SORCS3: variants seen among roughly 807,000 people sequenced by gnomAD.
SORCS3 encodes the protein VPS10 domain-containing receptor SorCS3.
In SORCS3, 57 loss-of-function variants were observed where a neutral mutation model predicts 146.3. The ratio of observed to expected loss-of-function variants is 0.39; its 90% CI spans 0.31 to 0.49. The LOEUF (loss-of-function observed/expected upper bound fraction) is 0.49. Ranked by LOEUF, SORCS3 falls within the 20% of genes least tolerant of loss-of-function variation. The pLI is 0.92. For synonymous variants in SORCS3, 653 were observed against 618.5 expected (o/e 1.06, Z -0.83); for missense variants, 1,341 against 1,575.5 (o/e 0.85, Z 2.52).
intron 5 of SORCS3, 74 bp from the exon 6 acceptor site, chr10:105,089,701 C>T (rs1046740057): frequency 2.6e-5 from 30 of 1,175,270 alleles, no homozygotes; most frequent in Non-Finnish European, 3.3e-5. Flanking sequence ...TAGCAGTTGG[C>T]CCTGAGTGCA....
At chr10:105,241,705 A>G (rs1287250037) in intron 20 of SORCS3, among the ~76,000 whole-genome samples, 2 of 152,136 alleles carry the variant, frequency 1.3e-5, no homozygotes, top group Non-Finnish European at 2.9e-5. Flanking sequence ...AGGGCAGGTC[A>G]TCTCCTCCCT....
chr10:105,013,015 A>C (rs780104215), intron 4 of SORCS3, among the ~76,000 whole-genome samples: 3 of 152,218 alleles, frequency 2.0e-5, no homozygotes, highest in Non-Finnish European at 4.4e-5. Context: ...ATGCGTTATG[A>C]TTGAGGGTGG....
intron 14 of SORCS3, among the ~76,000 whole-genome samples, chr10:105,199,136 A>G (rs2056560136): frequency 6.6e-6 from 1 of 152,182 alleles, no homozygotes; most frequent in South Asian, 2.1e-4. Context: ...TTAAGTTCGC[A>G]GCATGATCGG....
At chr10:104,795,564 T>A (rs978606339) in intron 1 of SORCS3, among the ~76,000 whole-genome samples, 7 of 152,258 alleles carry the variant, frequency 4.6e-5, no homozygotes, top group African/African-American at 1.7e-4. Flanking sequence ...TCAAGCTGTG[T>A]GGAATGTCAG....
At chr10:104,762,877 C>T (rs1420458648) in intron 1 of SORCS3, among the ~76,000 whole-genome samples, 1 of 152,122 alleles carries the variant, frequency 6.6e-6, no homozygotes, top group Non-Finnish European at 1.5e-5. Context: ...CAGGTAGTAT[C>T]TTTATAGCAA....
intron 14 of SORCS3, among the ~76,000 whole-genome samples, chr10:105,181,842 A>C (rs1200354101): frequency 6.6e-6 from 1 of 152,186 alleles, no homozygotes; most frequent in Admixed American, 6.6e-5. Context: ...CTGTTGCAGC[A>C]CTTGGGCCTC....
At chr10:104,691,647 G>C (rs761381388) in intron 1 of SORCS3, among the ~76,000 whole-genome samples, 3 of 152,174 alleles carry the variant, frequency 2.0e-5, no homozygotes, top group Non-Finnish European at 4.4e-5. Flanking sequence ...TGGCTGCCCT[G>C]TCCCTCCCTT....
At chr10:105,022,832 G>GTTAAAACAGGACTTGAGTT (rs1422962321) in intron 4 of SORCS3, among the ~76,000 whole-genome samples, 2 of 152,068 alleles carry the variant, frequency 1.3e-5, no homozygotes, top group African/African-American at 4.8e-5. Context: ...CAGGACTTGA[G>GTTAAAACAGGACTTGAGTT]TTAAAACAGG....
At chr10:105,020,027 A>G (rs1019234378) in intron 4 of SORCS3, among the ~76,000 whole-genome samples, 6 of 152,132 alleles carry the variant, frequency 3.9e-5, no homozygotes, top group African/African-American at 1.4e-4. Flanking sequence ...GCTACTTACA[A>G]TTGAATTTTA....
chr10:105,118,469 T>G (rs2055908472), intron 7 of SORCS3, among the ~76,000 whole-genome samples: 1 of 152,158 alleles, frequency 6.6e-6, no homozygotes, highest in African/African-American at 2.4e-5. Context: ...AGTAAATTGG[T>G]ACTACAGAGA....
At position 105,236,663 on chromosome 10, in the gene SORCS3, T is replaced by G. The variant is rs188354264; in HGVS notation, c.2869-8879T>G. Among the ~76,000 whole-genome samples the G allele has an allele frequency of 2.0e-5, 3 of 152,274 alleles. No individual in the cohort carries two copies. In the East Asian group the frequency reaches 5.8e-4, roughly 29 times the overall value. ...GTTTCTCTACAGCTCTATTTTTTTCTTTGAGTGCTGTTTCTAAGACCTGAA... is the reference window on the plus strand; with the variant it reads ...GTTTCTCTACAGCTCTATTTTTTTCGTTGAGTGCTGTTTCTAAGACCTGAA... On this transcript the variant is annotated intron_variant, in intron 20 of 26. Coordinates refer to ENST00000369701, the MANE Select transcript of SORCS3 (RefSeq NM_014978.3).
intron 5 of SORCS3, among the ~76,000 whole-genome samples, chr10:105,056,236 C>T (rs2055445033): frequency 1.3e-5 from 2 of 152,126 alleles, no homozygotes; most frequent in African/African-American, 4.8e-5. Context: ...GTTTCTCAAC[C>T]TCTATGTTTT....
chr10:104,719,741 G>A (rs1390326415), intron 1 of SORCS3, among the ~76,000 whole-genome samples: 3 of 152,152 alleles, frequency 2.0e-5, no homozygotes, highest in African/African-American at 7.2e-5. Context: ...GAAATCAGCT[G>A]GTTTGTCTCT....
intron 4 of SORCS3, among the ~76,000 whole-genome samples, chr10:104,990,589 C>T (rs2054987628): frequency 6.6e-6 from 1 of 152,068 alleles, no homozygotes; most frequent in South Asian, 2.1e-4. Context: ...CCTCCAACTC[C>T]CCAGGCTGTC....
At chr10:104,861,906 A>T (rs1329124222) in intron 2 of SORCS3, among the ~76,000 whole-genome samples, 3 of 152,096 alleles carry the variant, frequency 2.0e-5, no homozygotes, top group Non-Finnish European at 4.4e-5. Context: ...TCTTTGGTGC[A>T]CCTTGGCTTG....
chr10:104,681,943 C>T (rs1483622286), intron 1 of SORCS3, among the ~76,000 whole-genome samples: 1 of 152,134 alleles, frequency 6.6e-6, no homozygotes, highest in Non-Finnish European at 1.5e-5. Context: ...AGTTTTCCTC[C>T]TGTAAATGTC....
intron 23 of SORCS3, among the ~76,000 whole-genome samples, chr10:105,254,017 G>A (rs1047475069): frequency 1.8e-4 from 27 of 152,210 alleles, no homozygotes; most frequent in Admixed American, 3.9e-4. Flanking sequence ...CGCATACAGC[G>A]AGATAAGAGT....
At chr10:104,954,410 G>T (rs1021830988) in intron 3 of SORCS3, among the ~76,000 whole-genome samples, 1 of 152,160 alleles carries the variant, frequency 6.6e-6, no homozygotes, top group Non-Finnish European at 1.5e-5. Flanking sequence ...AGCCAGGTGG[G>T]TGAGATACTT....
chr10:104,964,967 AT>A (rs1019629318), intron 3 of SORCS3, among the ~76,000 whole-genome samples: 2 of 152,056 alleles, frequency 1.3e-5, no homozygotes, highest in Non-Finnish European at 2.9e-5. Flanking sequence ...ATCATATAGT[AT>A]TTTTTTCTTT....
Sources: allele counts gnomAD v4.1 joint callset (sites outside exome capture counted in the v4.1 genomes callset), GRCh38; gene constraint gnomAD v4.1.1; transcripts MANE v1.5; gene names NCBI Gene and HGNC (gene_info 2026-07-23, HGNC 2026-07-21).